CORO7: variants seen among roughly 807,000 people sequenced by gnomAD.
CORO7 encodes the protein coronin-7.
Under a neutral mutation model 126.6 loss-of-function variants are expected in CORO7, and 107 were observed. That is an observed-to-expected ratio of 0.85 (90% CI 0.72 to 0.99). CORO7 has a LOEUF of 0.99. Among genes scored for constraint, CORO7 ranks in the 50% least tolerant of loss-of-function variants. The pLI, the probability that CORO7 is intolerant of heterozygous loss-of-function variation, is 0.00. For synonymous variants in CORO7, 603 were observed against 536.8 expected, an observed-to-expected ratio of 1.12 and a Z score of -1.70; for missense variants, 1,314 against 1,255.8, an observed-to-expected ratio of 1.05 and a Z score of -0.70.
chr16:4,388,421 C>T lies in CORO7; in HGVS notation c.702+124G>A. Reference sequence around the variant, plus strand: ...TCTGAGACCCGGCAGCACAGCCAGGCCGTATATGGACAGGCCTGGAACTGG... The same window carrying T: ...TCTGAGACCCGGCAGCACAGCCAGGTCGTATATGGACAGGCCTGGAACTGG... On this transcript the variant is annotated intron_variant, in intron 8 of 27. Transcript: ENST00000251166. 2.8e-6 allele frequency: 3 copies of T among 1,078,534 alleles called. No homozygotes were observed. In the South Asian group the frequency reaches 4.5e-5, roughly 16 times the overall value. The allele number at this position is 1,078,534 out of a possible 1,614,324, so 66.8% of individuals were successfully genotyped here.
intron 13 of CORO7, 77 bp from the exon 14 acceptor site, chr16:4,364,490 G>C (rs915771459): frequency 6.7e-7 from 1 of 1,484,402 alleles, no homozygotes; most frequent in South Asian, 1.4e-5. Flanking sequence ...GGGTCAACTG[G>C]GTAGGGATGG....
intron 25 of CORO7, 180 bp downstream of exon 25, chr16:4,357,788 A>G (rs2054026830): frequency 8.6e-7 from 1 of 1,159,668 alleles, no homozygotes; most frequent in Non-Finnish European, 1.2e-6. Flanking sequence ...ACCTGTGATG[A>G]AAACACAGAC....
chr16:4,356,970 C>G, intron 26 of CORO7, 198 bp downstream of exon 26: 1 of 728,452 alleles, frequency 1.4e-6, no homozygotes, highest in Non-Finnish European at 2.2e-6. Flanking sequence ...GGCAGGGCTC[C>G]CACTGCCCTC....
intron 9 of CORO7, among the ~76,000 whole-genome samples, chr16:4,379,559 T>A (rs919763137): frequency 5.3e-5 from 8 of 152,126 alleles, no homozygotes; most frequent in African/African-American, 1.9e-4. Flanking sequence ...TCCCTGCACC[T>A]CCATGAGCCC....
At chr16:4,408,531 C>T (rs549814794) in intron 3 of CORO7, among the ~76,000 whole-genome samples, 8 of 152,324 alleles carry the variant, frequency 5.3e-5, no homozygotes, top group East Asian at 1.9e-4. Flanking sequence ...CCTGCAGGAA[C>T]GCAGCTGCCC....
chr16:4,373,238 C>A (rs977093002), intron 9 of CORO7, among the ~76,000 whole-genome samples: 4 of 152,142 alleles, frequency 2.6e-5, no homozygotes, highest in African/African-American at 9.7e-5. Context: ...CAGGAAGAGG[C>A]TCTGGTGATG....
Position 4,405,536 on chromosome 16 carries a change from G to A in CORO7, c.519C>T (p.Ser173=), listed in dbSNP as rs201358518. 42 of 1,612,746 alleles carry A rather than the reference G, an allele frequency of 2.6e-5. No individual in the cohort carries two copies. Among genetic ancestry groups the A allele is most frequent in the Admixed American group, 1.8e-4 (11 of 59,996 alleles). Residue 173 remains serine (S), a synonymous_variant, in exon 6 of 28, where the codon AGC becomes AGT. Coordinates refer to ENST00000251166, the MANE Select transcript of CORO7 (RefSeq NM_024535.5). The stretch of plus-strand genomic sequence containing the variant: ...GGGCTCCATCTCGGCTCCAGACGGC[G>A]CTCTGCACCAGGTCCCCATGGGCTG... ...ELAAHGDLVQ[S]AVWSRDGALV...
chr16:4,398,125 G>T (rs112603566), intron 6 of CORO7, among the ~76,000 whole-genome samples: 1 of 151,722 alleles, frequency 6.6e-6, no homozygotes, highest in African/African-American at 2.4e-5. Flanking sequence ...TCACTATCTT[G>T]AGCAGGCTGG....
At chr16:4,359,125 A>G in intron 23 of CORO7, 171 bp downstream of exon 23, 1 of 728,228 alleles carries the variant, frequency 1.4e-6, no homozygotes, top group Non-Finnish European at 2.2e-6. Flanking sequence ...AAAATTCCTA[A>G]ATAATTCCAG....
intron 23 of CORO7, 27 bp downstream of exon 23, chr16:4,359,269 G>A (rs758741547): frequency 7.4e-5 from 116 of 1,572,670 alleles, no homozygotes; most frequent in South Asian, 2.1e-4. Flanking sequence ...TGGTCCCATC[G>A]GGGACGAGGC....
intron 6 of CORO7, among the ~76,000 whole-genome samples, chr16:4,399,857 G>A (rs1174269719): frequency 2.0e-5 from 3 of 151,828 alleles, no homozygotes; most frequent in African/African-American, 4.8e-5. Context: ...AAAGAAGAAG[G>A]TAAATTTTAT....
Position 4,357,972 on chromosome 16 carries a change from G to GT in CORO7, c.2588_2589insA (p.Ser863ArgfsTer27). 1.9e-6 allele frequency: 3 copies of GT among 1,602,548 alleles called. No individual in the cohort carries two copies. The highest frequency in any genetic ancestry group is 2.6e-6 in the Non-Finnish European group (3 of 1,170,906). On this transcript the variant is annotated frameshift_variant, in exon 25 of 28. Transcript: ENST00000251166. LOFTEE classifies it high-confidence loss of function. ...ACACCCAGTCCCTCGGTGCACCTGG[G>GT]CTCATGTCAGGAGGCTGCAGGCTGA... is the stretch of plus-strand genomic sequence containing the variant.
intron 6 of CORO7, among the ~76,000 whole-genome samples, chr16:4,398,875 G>C (rs781021207): frequency 4.6e-5 from 7 of 151,980 alleles, no homozygotes; most frequent in Non-Finnish European, 8.8e-5. Flanking sequence ...GGCTGAGGCA[G>C]GAGAATCGCA....
chr16:4,409,540 G>A (rs137917807), intron 3 of CORO7, among the ~76,000 whole-genome samples: 3 of 152,372 alleles, frequency 2.0e-5, no homozygotes, highest in Non-Finnish European at 4.4e-5. Flanking sequence ...GGATGCAGCA[G>A]GTGGCACTGC....
At position 4,407,650 on chromosome 16, in the gene CORO7, G is replaced by A. The variant is rs1479132420; in HGVS notation, c.338C>T (p.Ala113Val). The A allele has an allele frequency of 6.2e-7, 1 of 1,604,140 alleles. No homozygotes were observed. Among genetic ancestry groups the A allele is most frequent in the Non-Finnish European group, 8.5e-7 (1 of 1,176,512 alleles). The change falls in exon 5 of 28, where the codon GCC (alanine) becomes GTC (valine). Residue 113 changes from alanine to valine, a missense_variant. By Grantham distance (64) the Ala-to-Val change is moderately conservative. Transcript: ENST00000251166. The part of the protein sequence containing the change: ...KLWRLPGPGQ[A>V]LPSAPGVVLG... The stretch of plus-strand genomic sequence containing the variant: ...CACCACCCCGGGTGCTGAGGGCAGG[G>A]CCTGGCCAGGCCCTGGCAGTCGCCA...
chr16:4,398,787 G>C (rs888044731), intron 6 of CORO7, among the ~76,000 whole-genome samples: 1 of 152,146 alleles, frequency 6.6e-6, no homozygotes. Context: ...GGCCAACATA[G>C]TGAAACTCCG....
intron 9 of CORO7, among the ~76,000 whole-genome samples, chr16:4,377,052 A>G (rs957356850): frequency 6.6e-6 from 1 of 152,158 alleles, no homozygotes; most frequent in African/African-American, 2.4e-5. Context: ...AGCAGCGCCC[A>G]CTGCACAATG....
chr16:4,416,348 G>T (rs999958279), intron 1 of CORO7, 111 bp downstream of exon 1: 10 of 1,338,776 alleles, frequency 7.5e-6, no homozygotes, highest in African/African-American at 6.2e-5. Flanking sequence ...GGGGATGGAG[G>T]TCTCGGGGTT....
intron 6 of CORO7, among the ~76,000 whole-genome samples, chr16:4,398,733 G>A (rs1232886048): frequency 3.3e-5 from 5 of 151,988 alleles, no homozygotes; most frequent in Non-Finnish European, 5.9e-5. Context: ...ACTTGGGGAG[G>A]CCAAGGCGGG....
Sources: allele counts gnomAD v4.1 joint callset (sites outside exome capture counted in the v4.1 genomes callset), GRCh38; gene constraint gnomAD v4.1.1; transcripts MANE v1.5; gene names NCBI Gene and HGNC (gene_info 2026-07-23, HGNC 2026-07-21).